TSPAN5: variants seen among roughly 807,000 people sequenced by gnomAD.
The protein encoded by TSPAN5 is tetraspanin-5.
In TSPAN5, 10 loss-of-function variants were observed where a neutral mutation model predicts 37.1. The ratio of observed to expected loss-of-function variants is 0.27; its 90% CI spans 0.17 to 0.46. TSPAN5 has a LOEUF of 0.46. Ranked by LOEUF, TSPAN5 falls within the 20% of genes least tolerant of loss-of-function variation. The pLI, the probability that TSPAN5 is intolerant of heterozygous loss-of-function variation, is 1.00. For missense variants in TSPAN5, 195 were observed against 326.6 expected (o/e 0.60, Z 3.11); for synonymous variants, 110 against 118.9 (o/e 0.93, Z 0.48).
At chr4:98,581,044 T>C (rs550998339) in intron 1 of TSPAN5, among the ~76,000 whole-genome samples, 2 of 151,958 alleles carry the variant, frequency 1.3e-5, no homozygotes, top group East Asian at 3.9e-4. Context: ...AGAGTCAATA[T>C]AAAGGGGAAA....
chr4:98,605,615 A>T (rs1337168372), intron 1 of TSPAN5, among the ~76,000 whole-genome samples: 3 of 152,188 alleles, frequency 2.0e-5, no homozygotes, highest in African/African-American at 7.2e-5. Flanking sequence ...ACTAATTTAA[A>T]ATACCCAGTT....
At chr4:98,605,744 G>A (rs1338545990) in intron 1 of TSPAN5, among the ~76,000 whole-genome samples, 1 of 152,176 alleles carries the variant, frequency 6.6e-6, no homozygotes, top group Non-Finnish European at 1.5e-5. Flanking sequence ...AAAAATGGAG[G>A]TGTACATGTG....
intron 1 of TSPAN5, among the ~76,000 whole-genome samples, chr4:98,566,273 A>C (rs17801372): frequency 0.015 from 2,259 of 151,712 alleles, 27 homozygotes; most frequent in Non-Finnish European, 0.025. Context: ...TGCTAAACAC[A>C]AAGTGGAGCC....
chr4:98,577,352 A>C (rs1755262244), intron 1 of TSPAN5, among the ~76,000 whole-genome samples: 1 of 152,174 alleles, frequency 6.6e-6, no homozygotes, highest in South Asian at 2.1e-4. Context: ...AAATTTGCCA[A>C]GAAACTTGCC....
chr4:98,550,458 T>C (rs1465966804), intron 1 of TSPAN5, among the ~76,000 whole-genome samples: 1 of 152,196 alleles, frequency 6.6e-6, no homozygotes, highest in Non-Finnish European at 1.5e-5. Context: ...ATTGAATCTG[T>C]AGATTTCTCT....
intron 1 of TSPAN5, among the ~76,000 whole-genome samples, chr4:98,511,578 A>G (rs536125486): frequency 6.6e-6 from 1 of 152,358 alleles, no homozygotes; most frequent in African/African-American, 2.4e-5. Context: ...TAACTGAAAC[A>G]TCATTATATG....
At chr4:98,621,850 C>T (rs1038160145) in intron 1 of TSPAN5, among the ~76,000 whole-genome samples, 1 of 140,696 alleles carries the variant, frequency 7.1e-6, no homozygotes, top group Non-Finnish European at 1.5e-5. Context: ...TTTGCCTATT[C>T]TGTACGTTTC....
At chr4:98,630,359 C>A (rs1756712464) in intron 1 of TSPAN5, among the ~76,000 whole-genome samples, 1 of 152,174 alleles carries the variant, frequency 6.6e-6, no homozygotes, top group South Asian at 2.1e-4. Flanking sequence ...ACAGCAGCAC[C>A]ACCTCCTCTA....
intron 1 of TSPAN5, among the ~76,000 whole-genome samples, chr4:98,581,262 A>G (rs892710486): frequency 3.3e-5 from 5 of 152,182 alleles, no homozygotes; most frequent in Non-Finnish European, 5.9e-5. Flanking sequence ...CACACAGCAA[A>G]ATACCAATTG....
chr4:98,620,265 C>T (rs1756451288), intron 1 of TSPAN5, among the ~76,000 whole-genome samples: 1 of 152,172 alleles, frequency 6.6e-6, no homozygotes, highest in African/African-American at 2.4e-5. Flanking sequence ...CCGGAGGCCA[C>T]CCAGTCGTGA....
At chr4:98,596,572 T>C (rs1269738508) in intron 1 of TSPAN5, among the ~76,000 whole-genome samples, 1 of 86,520 alleles carries the variant, frequency 1.2e-5, no homozygotes, top group Non-Finnish European at 2.1e-5. Context: ...CAGCGGGTGG[T>C]ACCGGTTGTT....
At chr4:98,594,100 CCT>C (rs1021626429) in intron 1 of TSPAN5, among the ~76,000 whole-genome samples, 4 of 95,856 alleles carry the variant, frequency 4.2e-5, no homozygotes, top group Non-Finnish European at 7.7e-5. Context: ...TTGTTTGTGT[CCT>C]CTTTTATTTC....
At chr4:98,620,003 G>A (rs1297692719) in intron 1 of TSPAN5, among the ~76,000 whole-genome samples, 1 of 152,146 alleles carries the variant, frequency 6.6e-6, no homozygotes, top group Non-Finnish European at 1.5e-5. Context: ...TGAATTCTGG[G>A]AGACACAAAC....
intron 1 of TSPAN5, among the ~76,000 whole-genome samples, chr4:98,546,883 GT>G (rs548786888): frequency 6.0e-4 from 91 of 152,304 alleles, no homozygotes; most frequent in African/African-American, 2.1e-3. Flanking sequence ...AATATCTGAT[GT>G]TTATGTGGTA....
Position 98,652,835 on chromosome 4 carries a change from G to A in TSPAN5, c.81+5311C>T, listed in dbSNP as rs138515802. 1.0e-3 allele frequency among the ~76,000 whole-genome samples: 159 copies of A among 152,320 alleles called. 1 individual carries two copies. The highest frequency in any genetic ancestry group is 3.7e-3 in the African/African-American group (154 of 41,572). On this transcript the variant is annotated intron_variant, in intron 1 of 7. Transcript: ENST00000305798. Reference sequence around the variant, plus strand: ...TTAAAACAAAGTGACCCATCTAAATGAGTGCAACATTTTGGCAAGTTTATG... The same window carrying A: ...TTAAAACAAAGTGACCCATCTAAATAAGTGCAACATTTTGGCAAGTTTATG...
intron 1 of TSPAN5, among the ~76,000 whole-genome samples, chr4:98,557,707 C>T (rs186980357): frequency 6.6e-6 from 1 of 152,264 alleles, no homozygotes; most frequent in Admixed American, 6.5e-5. Flanking sequence ...AATCTGGCAG[C>T]GGATTGCATC....
intron 2 of TSPAN5, among the ~76,000 whole-genome samples, chr4:98,495,215 T>C (rs1456403946): frequency 1.3e-5 from 2 of 152,122 alleles, no homozygotes; most frequent in Admixed American, 1.3e-4. Context: ...GAACACAGTA[T>C]GTCTCAGTAA....
At chr4:98,507,944 G>A (rs1405853368) in intron 1 of TSPAN5, among the ~76,000 whole-genome samples, 1 of 152,174 alleles carries the variant, frequency 6.6e-6, no homozygotes, top group Admixed American at 6.5e-5. Context: ...TTGGTTAGAA[G>A]TCATTCAGAT....
At chr4:98,495,645 T>C (rs755726769) in intron 2 of TSPAN5, among the ~76,000 whole-genome samples, 4 of 152,118 alleles carry the variant, frequency 2.6e-5, no homozygotes, top group South Asian at 2.1e-4. Context: ...GCTTCTGCAA[T>C]AAAGGAATAT....
Sources: gnomAD v4.1 joint callset for allele counts (sites outside exome capture counted in the v4.1 genomes callset) on GRCh38, gnomAD v4.1.1 for gene constraint, MANE v1.5 for transcripts, NCBI Gene and HGNC (gene_info 2026-07-23, HGNC 2026-07-21) for gene names.